Variants in PYGO1 observed in about 807,000 individuals in gnomAD.
PYGO1 encodes pygopus family PHD finger 1, also known as pygopus homolog 1.
Under a neutral mutation model 29.5 loss-of-function variants are expected in PYGO1, and 6 were observed. The observed-to-expected ratio is 0.20, with a 90% confidence interval of 0.11 to 0.40. PYGO1 has a LOEUF of 0.40. Ranked by LOEUF, PYGO1 falls within the 10% of genes least tolerant of loss-of-function variation. PYGO1 has a pLI of 1.00. For synonymous variants in PYGO1, 186 were observed against 180.5 expected (o/e 1.03, Z -0.24); for missense variants, 515 against 514.9 (o/e 1.00, Z 0.00).
chr15:55,546,200 G>A lies in PYGO1; in HGVS notation c.1083C>T (p.Ala361=). Residue 361 remains alanine (A), a synonymous_variant, in exon 3 of 3, where the codon GCC becomes GCT. Transcript: ENST00000563719. ...NDDQDAILCE[A]SCQKWFHRIC... is the part of the protein sequence containing the mutation. ...TCCGATGAAACCATTTCTGACAAGA[G>A]GCCTCACATAAGATGGCATCCTGAT... The A allele has an allele frequency of 1.2e-6, 2 of 1,614,144 alleles. No individual in the cohort carries two copies. The highest frequency in any genetic ancestry group is 2.2e-5 in the East Asian group (1 of 44,886).
rs570648130 is a variant in PYGO1, at chr15:55,550,116, T to C, written c.50-1121A>G. On this transcript the variant is annotated intron_variant, in intron 1 of 2. Transcript: ENST00000563719. ...TATCTCATAATATCTGTATGGTTTG[T>C]TTAGATTGGGATCCAAATATGTTCC... Among the ~76,000 whole-genome samples the C allele has an allele frequency of 6.0e-4, 92 of 152,356 alleles. No homozygotes were observed. In the Middle Eastern group the frequency reaches 0.017, roughly 28 times the overall value.
chr15:55,553,934 C>T (rs999016024), intron 1 of PYGO1, among the ~76,000 whole-genome samples: 5 of 152,114 alleles, frequency 3.3e-5, no homozygotes, highest in African/African-American at 9.7e-5. Flanking sequence ...AGCAGCCCTA[C>T]AGAAGTATGG....
intron 1 of PYGO1, among the ~76,000 whole-genome samples, chr15:55,564,805 C>T (rs112097876): frequency 4.6e-5 from 7 of 152,172 alleles, no homozygotes; most frequent in African/African-American, 1.2e-4. Flanking sequence ...AATTGGGCTG[C>T]GTTCTCTGCT....
chr15:55,544,919 C>T lies in PYGO1; in HGVS notation c.*1104G>A, dbSNP rs2058842958. On this transcript the variant is annotated 3_prime_UTR_variant, in exon 3 of 3. Coordinates refer to ENST00000563719, the MANE Select transcript of PYGO1 (RefSeq NM_001367806.1). Reference sequence around the variant, plus strand: ...GGGTACTCTCAGGTCCATTTTTATACTTTTCCCCAGTCAGAGCGGGAATTC... The same window carrying T: ...GGGTACTCTCAGGTCCATTTTTATATTTTTCCCCAGTCAGAGCGGGAATTC... 6.6e-6 allele frequency: 1 copy of T among 152,148 alleles called. No homozygotes were observed. Among genetic ancestry groups the T allele is most frequent in the Non-Finnish European group, 1.5e-5 (1 of 68,020 alleles). The allele number at this position is 152,148 out of a possible 1,614,324, so 9.4% of individuals were successfully genotyped here.
Position 55,542,426 on chromosome 15 carries a change from C to T in PYGO1, c.*3597G>A, listed in dbSNP as rs894666124. On this transcript the variant is annotated 3_prime_UTR_variant, in exon 3 of 3. Transcript: ENST00000563719. ...GTATATAACCTTCTAATTTGAATAA[C>T]AATTATAGCAGTACTCTAAAGTATT... The T allele has an allele frequency of 3.3e-5, 5 of 152,264 alleles. No homozygotes were observed. Among genetic ancestry groups the T allele is most frequent in the Admixed American group, 2.0e-4 (3 of 15,280 alleles). 9.4% of individuals were successfully genotyped at this position (152,264 alleles called of 1,614,324 possible).
intron 1 of PYGO1, among the ~76,000 whole-genome samples, chr15:55,551,647 T>TA (rs777777625): frequency 4.8e-4 from 72 of 149,508 alleles, no homozygotes; most frequent in Middle Eastern, 3.4e-3. Context: ...AAATTAAAAT[T>TA]AAAAAAAAAA....
chr15:55,569,165 T>C (rs2058969904), intron 1 of PYGO1, among the ~76,000 whole-genome samples: 1 of 152,078 alleles, frequency 6.6e-6, no homozygotes, highest in Non-Finnish European at 1.5e-5. Context: ...AATAGTAGAA[T>C]TGGTACCAGC....
intron 1 of PYGO1, among the ~76,000 whole-genome samples, chr15:55,587,487 G>C (rs536047316): frequency 5.3e-5 from 8 of 152,062 alleles, no homozygotes; most frequent in African/African-American, 1.9e-4. Flanking sequence ...GGCACCGTTC[G>C]AGGTCTCTGC....
At chr15:55,581,721 ATCCAT>A (rs2059025555) in intron 1 of PYGO1, among the ~76,000 whole-genome samples, 1 of 152,198 alleles carries the variant, frequency 6.6e-6, no homozygotes, top group African/African-American at 2.4e-5. Flanking sequence ...AAGCAGGAAG[ATCCAT>A]TTAAAACACT....
chr15:55,585,919 A>C (rs1317111504), intron 1 of PYGO1, among the ~76,000 whole-genome samples: 1 of 152,234 alleles, frequency 6.6e-6, no homozygotes, highest in Admixed American at 6.5e-5. Context: ...TCACAACCAC[A>C]AACAGAAAAA....
chr15:55,548,271 T>G (rs1166374181), intron 2 of PYGO1, among the ~76,000 whole-genome samples: 2 of 151,470 alleles, frequency 1.3e-5, no homozygotes, highest in African/African-American at 4.8e-5. Context: ...CCACCCACCT[T>G]GGCCTCCCAA....
intron 1 of PYGO1, among the ~76,000 whole-genome samples, chr15:55,565,437 C>A (rs1274562875): frequency 6.6e-6 from 1 of 152,060 alleles, no homozygotes; most frequent in African/African-American, 2.4e-5. Flanking sequence ...AGCGCGGTGG[C>A]TCATGCCTGT....
At chr15:55,584,024 G>A (rs1401757649) in intron 1 of PYGO1, among the ~76,000 whole-genome samples, 1 of 151,500 alleles carries the variant, frequency 6.6e-6, no homozygotes, top group Non-Finnish European at 1.5e-5. Flanking sequence ...AATAATCACA[G>A]CCCTTATCAT....
chr15:55,558,311 C>CAAG (rs978995535), intron 1 of PYGO1, among the ~76,000 whole-genome samples: 4 of 15,974 alleles, frequency 2.5e-4, no homozygotes, highest in African/African-American at 3.5e-4. Flanking sequence ...AGGACCTCTT[C>CAAG]AAGAACTACA....
intron 1 of PYGO1, among the ~76,000 whole-genome samples, chr15:55,582,716 G>A (rs912502818): frequency 6.6e-6 from 1 of 152,026 alleles, no homozygotes; most frequent in East Asian, 1.9e-4. Flanking sequence ...AATATCCCAG[G>A]AGGATACTCA....
At chr15:55,556,954 T>C (rs1177761032) in intron 1 of PYGO1, among the ~76,000 whole-genome samples, 1 of 151,128 alleles carries the variant, frequency 6.6e-6, no homozygotes, top group Non-Finnish European at 1.5e-5. Context: ...AGGAAGAAAC[T>C]GAATTAAAGA....
Position 55,539,120 on chromosome 15 carries a change from T to A in PYGO1, c.*6903A>T, listed in dbSNP as rs993414152. The A allele has an allele frequency of 6.6e-5, 10 of 152,190 alleles. No individual in the cohort carries two copies. The highest frequency in any genetic ancestry group is 2.4e-4 in the African/African-American group (10 of 41,454). 9.4% of individuals were successfully genotyped at this position (152,190 alleles called of 1,614,324 possible). A position where few individuals can be genotyped will look rare whatever the true frequency, so the allele number is the denominator to read the frequency against. ...CTGTCTTGACAGCAGAACGTCTACT[T>A]GTCTTCTTACTTATCTATAGAATAA... On this transcript the variant is annotated 3_prime_UTR_variant, in exon 3 of 3. Transcript: ENST00000563719.
In PYGO1 at chr15:55,588,152, C is replaced by A. The variant is rs529525511; in HGVS notation, c.-269G>T. On this transcript the variant is annotated 5_prime_UTR_variant, in exon 1 of 3. Coordinates refer to ENST00000563719, the MANE Select transcript of PYGO1 (RefSeq NM_001367806.1). ...GGAGCGCGGCCTGGGGGCGGCCCCCCACCCGGGGCCGGCATGTGCTGAGGG... is the reference window on the plus strand; with the variant it reads ...GGAGCGCGGCCTGGGGGCGGCCCCCAACCCGGGGCCGGCATGTGCTGAGGG... 40 of 617,996 alleles carry A rather than the reference C, an allele frequency of 6.5e-5. No individual in the cohort carries two copies. The highest frequency in any genetic ancestry group is 4.8e-4 in the African/African-American group (24 of 49,960). 38.3% of individuals were successfully genotyped at this position (617,996 alleles called of 1,614,324 possible).
Position 55,588,084 on chromosome 15 carries a change from G to T in PYGO1, c.-201C>A, listed in dbSNP as rs974911311. On this transcript the variant is annotated 5_prime_UTR_variant, in exon 1 of 3. Coordinates refer to ENST00000563719, the MANE Select transcript of PYGO1 (RefSeq NM_001367806.1). ...CGAGGCCTCGGGGCGGCGGGGCGGC[G>T]GGGCGGCGTGCGGGCACCGGCGGGG... The T allele has an allele frequency of 9.6e-7, 1 of 1,046,030 alleles. No homozygotes were observed. The highest frequency in any genetic ancestry group is 1.1e-6 in the Non-Finnish European group (1 of 869,692). 64.8% of individuals were successfully genotyped at this position (1,046,030 alleles called of 1,614,324 possible). A position where few individuals can be genotyped will look rare whatever the true frequency, so the allele number is the denominator to read the frequency against.
Sources: allele counts gnomAD v4.1 joint callset (sites outside exome capture counted in the v4.1 genomes callset), GRCh38; gene constraint gnomAD v4.1.1; transcripts MANE v1.5; gene names NCBI Gene and HGNC (gene_info 2026-07-23, HGNC 2026-07-21).